Variants in CUBN observed in about 807,000 individuals in gnomAD.
CUBN encodes 460 kDa receptor.
CUBN carries 282 observed loss-of-function variants against 405.3 expected under a neutral mutation model. The observed-to-expected ratio is 0.70, with a 90% CI of 0.63 to 0.77. CUBN has a LOEUF of 0.77. Ranked by LOEUF, CUBN falls within the 30% of genes least tolerant of loss-of-function variation. The pLI is 0.00. For missense variants in CUBN, 4,514 were observed against 4,475.2 expected, an observed-to-expected ratio of 1.01 and a Z score of -0.25; for synonymous variants, 1,684 against 1,617.0, an observed-to-expected ratio of 1.04 and a Z score of -0.99.
intron 10 of CUBN, among the ~76,000 whole-genome samples, chr10:17,106,633 C>T (rs1174855222): frequency 6.7e-6 from 1 of 149,850 alleles, no homozygotes; most frequent in African/African-American, 2.4e-5. Flanking sequence ...TAGGTACTCT[C>T]TTATAATCCC....
At chr10:16,950,703 G>A (rs1465393465) in intron 33 of CUBN, among the ~76,000 whole-genome samples, 2 of 152,206 alleles carry the variant, frequency 1.3e-5, no homozygotes. Context: ...GAAACTGCCT[G>A]TGGCATCTGA....
chr10:16,873,745 A>G (rs1234414141), intron 58 of CUBN, among the ~76,000 whole-genome samples: 3 of 151,882 alleles, frequency 2.0e-5, no homozygotes, highest in African/African-American at 4.8e-5. Flanking sequence ...AAAGAAAAGA[A>G]AAAAGAAAAT....
chr10:16,870,924 G>A (rs1840332611), intron 58 of CUBN, among the ~76,000 whole-genome samples: 1 of 152,010 alleles, frequency 6.6e-6, no homozygotes, highest in South Asian at 2.1e-4. Context: ...TTCTTACATG[G>A]ATTTACTTTA....
chr10:16,865,403 A>C (rs1000526333), intron 59 of CUBN, among the ~76,000 whole-genome samples: 1 of 152,104 alleles, frequency 6.6e-6, no homozygotes, highest in Non-Finnish European at 1.5e-5. Flanking sequence ...CTCAGTCTCC[A>C]TGTGACAAAT....
chr10:17,053,551 G>A (rs928983933), intron 22 of CUBN, among the ~76,000 whole-genome samples: 5 of 151,976 alleles, frequency 3.3e-5, no homozygotes, highest in Non-Finnish European at 7.4e-5. Flanking sequence ...GTGCATGCAT[G>A]AAGTAATAGT....
At chr10:16,900,053 T>G (rs1227900358) in intron 53 of CUBN, among the ~76,000 whole-genome samples, 2 of 152,234 alleles carry the variant, frequency 1.3e-5, no homozygotes, top group Non-Finnish European at 2.9e-5. Flanking sequence ...ATATTTTGAC[T>G]CAGGACCCAT....
At chr10:17,123,943 G>C (rs750218041) in intron 4 of CUBN, among the ~76,000 whole-genome samples, 1 of 152,160 alleles carries the variant, frequency 6.6e-6, no homozygotes, top group Non-Finnish European at 1.5e-5. Context: ...AGTCTGAGGG[G>C]AGAAGATTCT....
chr10:16,889,739 CA>C (rs1212566335), intron 55 of CUBN, among the ~76,000 whole-genome samples: 221 of 137,658 alleles, frequency 1.6e-3, no homozygotes, highest in Middle Eastern at 0.011. Context: ...ACTAAAAATA[CA>C]AAAAAAAAAA....
chr10:17,074,051 A>G (rs1033911797), intron 17 of CUBN, among the ~76,000 whole-genome samples: 7 of 152,200 alleles, frequency 4.6e-5, no homozygotes, highest in South Asian at 2.1e-4. Context: ...GCCGCTGTTC[A>G]GTACAATTAT....
chr10:17,077,894 C>G (rs1258510250), intron 17 of CUBN, among the ~76,000 whole-genome samples: 1 of 152,046 alleles, frequency 6.6e-6, no homozygotes, highest in Non-Finnish European at 1.5e-5. Context: ...TATTTTAAAC[C>G]TTTTCATGCC....
Position 17,060,348 on chromosome 10 carries a change from C to T in CUBN, c.3139+5160G>A, listed in dbSNP as rs530530915. On this transcript the variant is annotated intron_variant, in intron 22 of 66. Transcript: ENST00000377833. ...GTTGGTCAGGCTGGTCTCGAACTCC[C>T]GATCTCAGGTGATCCGACTGCCTCA... 3.3e-5 allele frequency among the ~76,000 whole-genome samples: 5 copies of T among 151,976 alleles called. No individual in the cohort carries two copies. In the South Asian group the frequency reaches 8.3e-4, roughly 25 times the overall value.
At chr10:16,943,543 T>C (rs551758420) in intron 36 of CUBN, among the ~76,000 whole-genome samples, 9 of 152,324 alleles carry the variant, frequency 5.9e-5, no homozygotes, top group Non-Finnish European at 8.8e-5. Flanking sequence ...TGATCAACAA[T>C]GTGAAATACG....
intron 62 of CUBN, among the ~76,000 whole-genome samples, chr10:16,837,731 G>T (rs1278278343): frequency 1.3e-5 from 2 of 152,108 alleles, no homozygotes; most frequent in Middle Eastern, 3.4e-3. Flanking sequence ...GATACCCCGA[G>T]AATCCCAGTT....
chr10:17,001,427 G>A (rs1325299981), intron 28 of CUBN, among the ~76,000 whole-genome samples: 1 of 152,166 alleles, frequency 6.6e-6, no homozygotes, highest in African/African-American at 2.4e-5. Flanking sequence ...CCGTTTTACA[G>A]GGTGCTGATT....
At chr10:16,929,367 C>T (rs546608183) in intron 40 of CUBN, among the ~76,000 whole-genome samples, 150 of 152,126 alleles carry the variant, frequency 9.9e-4, no homozygotes, top group African/African-American at 3.4e-3. Context: ...ACTTGGATGC[C>T]GTGGCTGGGA....
At position 16,990,365 on chromosome 10, in the gene CUBN, T is replaced by TA. The variant is rs779822610; in HGVS notation, c.4318dup (p.Tyr1440LeufsTer8). On this transcript the variant is annotated frameshift_variant, in exon 29 of 67. Coordinates refer to ENST00000377833, the MANE Select transcript of CUBN (RefSeq NM_001081.4). LOFTEE classifies it high-confidence loss of function. ...GACATCAAAGTTGCACCTTGAATGA[T>TA]ACTCCACATCGAAGTCATGGATGGT... 6.2e-7 allele frequency: 1 copy of TA among 1,614,208 alleles called. No homozygotes were observed. Among genetic ancestry groups the TA allele is most frequent in the Admixed American group, 1.7e-5 (1 of 60,034 alleles).
chr10:16,874,565 T>C (rs1322209188), intron 57 of CUBN, 62 bp from the exon 58 acceptor site: 2 of 1,591,824 alleles, frequency 1.3e-6, no homozygotes, highest in East Asian at 2.2e-5. Context: ...GGAAAAATGA[T>C]TTTAAGAGAT....
At chr10:16,878,124 C>G (rs559887888) in intron 56 of CUBN, among the ~76,000 whole-genome samples, 1 of 152,142 alleles carries the variant, frequency 6.6e-6, no homozygotes, top group African/African-American at 2.4e-5. Context: ...CCTGTCTCTA[C>G]TAAAAATACA....
chr10:16,895,650 T>C (rs1409671454), intron 54 of CUBN, among the ~76,000 whole-genome samples: 1 of 152,210 alleles, frequency 6.6e-6, no homozygotes, highest in African/African-American at 2.4e-5. Flanking sequence ...GTAAGATTCC[T>C]CTTTTTCTGT....
Sources: gnomAD v4.1 joint callset for allele counts (sites outside exome capture counted in the v4.1 genomes callset) on GRCh38, gnomAD v4.1.1 for gene constraint, MANE v1.5 for transcripts, NCBI Gene and HGNC (gene_info 2026-07-23, HGNC 2026-07-21) for gene names.